Variants in RCAN2 observed in about 807,000 individuals in gnomAD.
RCAN2 encodes regulator of calcineurin 2.
RCAN2 carries 9 observed loss-of-function variants against 23.6 expected under a neutral mutation model. That is an observed-to-expected ratio of 0.38 (90% CI 0.23 to 0.67). RCAN2 has a LOEUF of 0.67. Among genes scored for constraint, RCAN2 ranks in the 30% least tolerant of loss-of-function variants. The pLI, the probability that RCAN2 is intolerant of heterozygous loss-of-function variation, is 0.51. For missense variants in RCAN2, 273 were observed against 302.3 expected (o/e 0.90, Z 0.72); for synonymous variants, 109 against 115.7 (o/e 0.94, Z 0.37).
At chr6:46,428,376 G>A (rs1415983946) in intron 2 of RCAN2, among the ~76,000 whole-genome samples, 1 of 152,090 alleles carries the variant, frequency 6.6e-6, no homozygotes, top group African/African-American at 2.4e-5. Context: ...ATCACATTAT[G>A]TATTTTTTTA....
chr6:46,372,213 G>A (rs557285574), intron 2 of RCAN2, among the ~76,000 whole-genome samples: 3 of 152,266 alleles, frequency 2.0e-5, no homozygotes, highest in South Asian at 2.1e-4. Context: ...AGCAACAATC[G>A]TATTTCCCAG....
At chr6:46,253,339 A>G (rs993535680) in intron 2 of RCAN2, among the ~76,000 whole-genome samples, 3 of 152,354 alleles carry the variant, frequency 2.0e-5, no homozygotes, top group Admixed American at 2.0e-4. Flanking sequence ...TAGCAGATTC[A>G]TTTCATTCAT....
At chr6:46,229,931 G>C (rs1387706016) in intron 4 of RCAN2, among the ~76,000 whole-genome samples, 1 of 152,166 alleles carries the variant, frequency 6.6e-6, no homozygotes, top group Non-Finnish European at 1.5e-5. Flanking sequence ...GGTCTTTGAT[G>C]ATGGTAACGT....
chr6:46,344,544 A>G (rs528356977), intron 2 of RCAN2, among the ~76,000 whole-genome samples: 20 of 152,264 alleles, frequency 1.3e-4, no homozygotes, highest in African/African-American at 4.8e-4. Context: ...AATAAAATAT[A>G]TGACAAAACA....
chr6:46,452,058 G>A (rs561432022), intron 2 of RCAN2, among the ~76,000 whole-genome samples: 1 of 152,050 alleles, frequency 6.6e-6, no homozygotes, highest in Non-Finnish European at 1.5e-5. Flanking sequence ...GACCACTCTT[G>A]GTACATTATA....
intron 2 of RCAN2, among the ~76,000 whole-genome samples, chr6:46,313,500 C>T (rs758849491): frequency 3.9e-5 from 6 of 152,196 alleles, no homozygotes; most frequent in Non-Finnish European, 8.8e-5. Flanking sequence ...AGCCTTCAAC[C>T]TAAATTTGTA....
chr6:46,229,477 CT>C (rs1171041730), intron 4 of RCAN2, among the ~76,000 whole-genome samples: 1 of 151,880 alleles, frequency 6.6e-6, no homozygotes, highest in Non-Finnish European at 1.5e-5. Flanking sequence ...TCTTTTTATT[CT>C]TTTTTCTCTA....
At chr6:46,365,369 G>C (rs749884110) in intron 2 of RCAN2, among the ~76,000 whole-genome samples, 80 of 151,964 alleles carry the variant, frequency 5.3e-4, no homozygotes, top group Non-Finnish European at 9.6e-4. Flanking sequence ...CCAGCTACTC[G>C]GGAGGCTGAG....
At chr6:46,436,418 T>A (rs371036748) in intron 2 of RCAN2, among the ~76,000 whole-genome samples, 11 of 152,336 alleles carry the variant, frequency 7.2e-5, no homozygotes, top group Admixed American at 2.0e-4. Context: ...TTTCTCCATG[T>A]TGGCCAGGCT....
At chr6:46,378,791 CCAGAA>C (rs1765547783) in intron 2 of RCAN2, among the ~76,000 whole-genome samples, 1 of 152,060 alleles carries the variant, frequency 6.6e-6, no homozygotes, top group Non-Finnish European at 1.5e-5. Flanking sequence ...GACACTAAAC[CCAGAA>C]CAGAAGTTTC....
At chr6:46,392,175 G>T (rs1765956336) in intron 2 of RCAN2, among the ~76,000 whole-genome samples, 2 of 152,148 alleles carry the variant, frequency 1.3e-5, no homozygotes, top group African/African-American at 4.8e-5. Context: ...AGACCCTCTG[G>T]GGTTGACCAT....
intron 1 of RCAN2, among the ~76,000 whole-genome samples, chr6:46,459,851 T>C (rs1051666309): frequency 1.3e-5 from 2 of 152,146 alleles, no homozygotes; most frequent in Admixed American, 6.5e-5. Flanking sequence ...AGTTTTGCAA[T>C]ACTGTAATAT....
intron 4 of RCAN2, among the ~76,000 whole-genome samples, chr6:46,242,283 G>T (rs570200897): frequency 3.9e-5 from 6 of 152,164 alleles, no homozygotes; most frequent in African/African-American, 9.7e-5. Context: ...CCTCCTTAAA[G>T]AACTACAGAC....
intron 2 of RCAN2, among the ~76,000 whole-genome samples, chr6:46,395,858 C>T (rs1031839633): frequency 3.9e-5 from 6 of 152,136 alleles, no homozygotes; most frequent in African/African-American, 1.4e-4. Context: ...AAAGCTGATT[C>T]TCTCCAAATT....
At chr6:46,225,898 C>A (rs967506133) in intron 4 of RCAN2, among the ~76,000 whole-genome samples, 2 of 152,160 alleles carry the variant, frequency 1.3e-5, no homozygotes, top group Non-Finnish European at 2.9e-5. Context: ...AGGTTTTCTT[C>A]TAGGGTTTTT....
At chr6:46,331,156 G>T (rs954543956) in intron 2 of RCAN2, among the ~76,000 whole-genome samples, 2 of 152,030 alleles carry the variant, frequency 1.3e-5, no homozygotes, top group African/African-American at 4.8e-5. Context: ...TGTAATAAAG[G>T]CAAAAATAAA....
chr6:46,439,961 G>A (rs561683724), intron 2 of RCAN2, among the ~76,000 whole-genome samples: 2 of 152,322 alleles, frequency 1.3e-5, no homozygotes, highest in African/African-American at 4.8e-5. Context: ...ACAATGGTAA[G>A]TTTTAAGTGG....
intron 2 of RCAN2, among the ~76,000 whole-genome samples, chr6:46,287,463 C>T (rs1384027127): frequency 4.6e-5 from 7 of 152,144 alleles, no homozygotes; most frequent in African/African-American, 1.2e-4. Context: ...CTCTGTGCTA[C>T]CCCCCACTTC....
At chr6:46,371,218 C>T (rs1765311469) in intron 2 of RCAN2, among the ~76,000 whole-genome samples, 1 of 152,142 alleles carries the variant, frequency 6.6e-6, no homozygotes, top group African/African-American at 2.4e-5. Flanking sequence ...AATCAGATGT[C>T]ACTTTACCTC....
Sources: allele counts gnomAD v4.1 joint callset (sites outside exome capture counted in the v4.1 genomes callset), GRCh38; gene constraint gnomAD v4.1.1; transcripts MANE v1.5; gene names NCBI Gene and HGNC (gene_info 2026-07-23, HGNC 2026-07-21).